PCSK2: variants seen among roughly 807,000 people sequenced by gnomAD.
PCSK2 encodes the protein neuroendocrine convertase 2.
PCSK2 carries 14 observed loss-of-function variants against 69.7 expected under a neutral mutation model. The ratio of observed to expected loss-of-function variants is 0.20; its 90% CI spans 0.13 to 0.31. PCSK2 has a LOEUF of 0.31. Ranked by LOEUF, PCSK2 falls within the 10% of genes least tolerant of loss-of-function variation. PCSK2 has a pLI of 1.00. For synonymous variants in PCSK2, 307 were observed against 320.7 expected (o/e 0.96, Z 0.46); for missense variants, 544 against 842.5 (o/e 0.65, Z 4.39).
chr20:17,360,341 A>C (rs2030348807), intron 3 of PCSK2, among the ~76,000 whole-genome samples, 191 bp from the exon 4 acceptor site: 1 of 151,848 alleles, frequency 6.6e-6, no homozygotes, highest in South Asian at 2.1e-4. Context: ...TATACCAAAA[A>C]AAAAAAAATG....
At chr20:17,275,610 A>G (rs1988038721) in intron 2 of PCSK2, among the ~76,000 whole-genome samples, 1 of 152,182 alleles carries the variant, frequency 6.6e-6, no homozygotes, top group African/African-American at 2.4e-5. Context: ...GTAGCAACTG[A>G]GTTTAAAAGA....
intron 5 of PCSK2, among the ~76,000 whole-genome samples, chr20:17,398,523 C>CA (rs36062712): frequency 0.44 from 37,233 of 85,068 alleles, 8,251 homozygotes; most frequent in South Asian, 0.59. Context: ...GATCCTGTCT[C>CA]AAAAAAAAAA....
intron 2 of PCSK2, among the ~76,000 whole-genome samples, chr20:17,347,846 A>AG (rs1990699880): frequency 1.5e-5 from 2 of 129,536 alleles, no homozygotes; most frequent in Admixed American, 1.6e-4. Context: ...GAAAGAAAGA[A>AG]AGAAAGAAAG....
chr20:17,324,908 C>T (rs1389100400), intron 2 of PCSK2, among the ~76,000 whole-genome samples: 1 of 152,188 alleles, frequency 6.6e-6, no homozygotes, highest in Non-Finnish European at 1.5e-5. Context: ...GCCCCCTCCT[C>T]ATCCTGAAGT....
rs190323590 is a variant in PCSK2 at position 17,393,461 on chromosome 20, T to G, written c.544-15802T>G. Among the ~76,000 whole-genome samples, 252 of 151,998 alleles carry G rather than the reference T, an allele frequency of 1.7e-3. 2 individuals carry two copies. Among genetic ancestry groups the G allele is most frequent in the African/African-American group, 5.7e-3 (237 of 41,490 alleles). ...ATGTAAGATTATGCTCCCAGAAAGC[T>G]AAAAAAAAGTTAGAATTATCATAAT... is the stretch of plus-strand genomic sequence containing the variant. On this transcript the variant is annotated intron_variant, in intron 5 of 11. Coordinates refer to ENST00000262545, the MANE Select transcript of PCSK2 (RefSeq NM_002594.5).
chr20:17,269,966 TA>T (rs915783815), intron 2 of PCSK2, among the ~76,000 whole-genome samples: 2 of 152,148 alleles, frequency 1.3e-5, no homozygotes, highest in Non-Finnish European at 2.9e-5. Flanking sequence ...ATATAGTTTT[TA>T]AAAGAATTTC....
In PCSK2 at chr20:17,453,859, A is replaced by G; in HGVS notation, c.1003A>G (p.Ile335Val). 2 of 1,614,242 alleles carry G rather than the reference A, an allele frequency of 1.2e-6. No homozygotes were observed. Among genetic ancestry groups the G allele is most frequent in the Non-Finnish European group, 1.7e-6 (2 of 1,180,046 alleles). Residue 335 changes from isoleucine to valine, a missense_variant, in exon 9 of 12, where the codon ATC (isoleucine) becomes GTC (valine). This residue lies in a region of PCSK2 where 187 missense variants were observed against 399.8 expected (regional missense o/e 0.47). Transcript: ENST00000262545. The surrounding 1 kb of genome is among the most constrained non-coding windows in gnomAD (Gnocchi z 4.0). ...SMWTISINSA[I>V]NDGRTALYDE... ...GTGGACCATCTCCATCAACTCAGCC[A>G]TCAACGACGGCAGGACTGCCCTGTA...
chr20:17,296,583 C>T (rs1447010642), intron 2 of PCSK2, among the ~76,000 whole-genome samples: 1 of 152,108 alleles, frequency 6.6e-6, no homozygotes, highest in African/African-American at 2.4e-5. Context: ...ATATTTTATC[C>T]TAAATGAACA....
At chr20:17,438,175 A>G (rs1568650398) in intron 8 of PCSK2, among the ~76,000 whole-genome samples, 1 of 152,184 alleles carries the variant, frequency 6.6e-6, no homozygotes, top group African/African-American at 2.4e-5. Flanking sequence ...TGCTTCTTAG[A>G]TTTTGGTAAA....
intron 2 of PCSK2, among the ~76,000 whole-genome samples, chr20:17,273,727 G>A (rs1262157952): frequency 6.6e-6 from 1 of 152,162 alleles, no homozygotes; most frequent in Non-Finnish European, 1.5e-5. Context: ...TTACGCTGCA[G>A]TAACAAATTA....
At chr20:17,335,437 G>A (rs1990322022) in intron 2 of PCSK2, among the ~76,000 whole-genome samples, 1 of 151,626 alleles carries the variant, frequency 6.6e-6, no homozygotes, top group Admixed American at 6.6e-5. Flanking sequence ...TTGTGTGTGT[G>A]TGTGTGTGTG....
chr20:17,361,324 C>T (rs535789380), intron 4 of PCSK2, among the ~76,000 whole-genome samples: 8 of 152,324 alleles, frequency 5.3e-5, no homozygotes, highest in African/African-American at 1.9e-4. Flanking sequence ...ATTCAACCTG[C>T]GTGCCTACCA....
At position 17,347,747 on chromosome 20, in the gene PCSK2, C is replaced by A. The variant is rs534759030; in HGVS notation, c.283-10580C>A. Among the ~76,000 whole-genome samples the A allele has an allele frequency of 2.0e-5, 3 of 147,470 alleles. No homozygotes were observed. The East Asian group carries it at 6.1e-4, about 30-fold the overall frequency. Reference sequence around the variant, plus strand: ...TGTGGAACTCTCTGTGCCTTCTTCTCAATTTGCTGTGAACCTAAAACTGCT... The same window carrying A: ...TGTGGAACTCTCTGTGCCTTCTTCTAAATTTGCTGTGAACCTAAAACTGCT... On this transcript the variant is annotated intron_variant, in intron 2 of 11. Coordinates refer to ENST00000262545, the MANE Select transcript of PCSK2 (RefSeq NM_002594.5).
intron 6 of PCSK2, among the ~76,000 whole-genome samples, chr20:17,410,652 A>T (rs1244670389): frequency 1.3e-5 from 2 of 152,230 alleles, no homozygotes; most frequent in East Asian, 3.8e-4. Context: ...GAGAATGTAT[A>T]AAAAAGGTCT....
At chr20:17,327,545 C>G (rs1990096554) in intron 2 of PCSK2, among the ~76,000 whole-genome samples, 1 of 152,216 alleles carries the variant, frequency 6.6e-6, no homozygotes, top group African/African-American at 2.4e-5. Context: ...GGAAGACGCC[C>G]TCTGCCCCTT....
At chr20:17,449,433 C>G (rs2032763589) in intron 8 of PCSK2, among the ~76,000 whole-genome samples, 1 of 151,184 alleles carries the variant, frequency 6.6e-6, no homozygotes, top group African/African-American at 2.4e-5. Context: ...CCAAGTGTGG[C>G]AATATTTGCC....
At chr20:17,250,137 T>A (rs780265898) in intron 1 of PCSK2, among the ~76,000 whole-genome samples, 10 of 152,198 alleles carry the variant, frequency 6.6e-5, no homozygotes, top group Admixed American at 2.0e-4. Flanking sequence ...AACATTGATA[T>A]AATACTATTA....
chr20:17,360,945 C>T (rs1392360465), intron 4 of PCSK2, among the ~76,000 whole-genome samples: 1 of 152,202 alleles, frequency 6.6e-6, no homozygotes, highest in Non-Finnish European at 1.5e-5. Flanking sequence ...AAAATGTCCT[C>T]TAAACTCTTT....
intron 2 of PCSK2, among the ~76,000 whole-genome samples, chr20:17,347,646 T>C (rs1282619589): frequency 2.6e-5 from 4 of 152,112 alleles, no homozygotes; most frequent in Middle Eastern, 3.4e-3. Flanking sequence ...TCAGCACGCG[T>C]AACAAATGCA....
Sources: gnomAD v4.1 joint callset for allele counts (sites outside exome capture counted in the v4.1 genomes callset) on GRCh38, gnomAD v4.1.1 for gene constraint, gnomAD v4.1.1 regional missense constraint, Gnocchi (gnomAD v3.1) non-coding constraint, MANE v1.5 for transcripts, NCBI Gene and HGNC (gene_info 2026-07-23, HGNC 2026-07-21) for gene names.